CHST3: variants seen among roughly 807,000 people sequenced by gnomAD.
The protein encoded by CHST3 is C6ST-1.
Under a neutral mutation model 35.4 loss-of-function variants are expected in CHST3, and 20 were observed. The ratio of observed to expected loss-of-function variants is 0.57; its 90% CI spans 0.40 to 0.82. The LOEUF (loss-of-function observed/expected upper bound fraction) is 0.82, where lower values mean the gene tolerates loss of function less well. CHST3 is among the 40% of genes least tolerant of loss of function. CHST3 has a pLI of 0.00. For missense variants in CHST3, 693 were observed against 670.1 expected, an observed-to-expected ratio of 1.03 and a Z score of -0.38; for synonymous variants, 334 against 295.9, an observed-to-expected ratio of 1.13 and a Z score of -1.32.
chr10:71,994,024 C>T (rs560103653), intron 1 of CHST3, among the ~76,000 whole-genome samples: 138 of 152,168 alleles, frequency 9.1e-4, no homozygotes, highest in Non-Finnish European at 1.6e-3. Flanking sequence ...CGCTTGAACT[C>T]GGGAGGCGGA....
intron 1 of CHST3, among the ~76,000 whole-genome samples, chr10:71,978,743 T>G (rs1237200266): frequency 1.3e-5 from 2 of 152,184 alleles, no homozygotes; most frequent in Admixed American, 1.3e-4. Context: ...AGAACCGGCC[T>G]CTAGGGAATG....
At chr10:72,002,919 T>C (rs1840007064) in intron 1 of CHST3, among the ~76,000 whole-genome samples, 1 of 152,108 alleles carries the variant, frequency 6.6e-6, no homozygotes, top group South Asian at 2.1e-4. Flanking sequence ...TTGGGGTGCT[T>C]GCATTCTGGG....
intron 1 of CHST3, among the ~76,000 whole-genome samples, chr10:72,003,477 A>G (rs1472838545): frequency 6.6e-6 from 1 of 152,186 alleles, no homozygotes; most frequent in East Asian, 1.9e-4. Flanking sequence ...AGGCAAGCAG[A>G]TCACCTGAGG....
rs780903557 is a variant in CHST3, at chr10:71,966,715, C to T, written c.-108+2021C>T. 5.6e-4 allele frequency among the ~76,000 whole-genome samples: 85 copies of T among 152,232 alleles called. 1 individual carries two copies. The highest frequency in any genetic ancestry group is 2.5e-3 in the Admixed American group (38 of 15,294). ...CACCTTCATTATGCCCTCTGTGAAT[C>T]GAGAGTTCTGTATACATTTTCTAAT... On this transcript the variant is annotated intron_variant, in intron 1 of 2. Transcript: ENST00000373115.
chr10:71,977,975 A>G, intron 1 of CHST3, among the ~76,000 whole-genome samples: 1 of 152,174 alleles, frequency 6.6e-6, no homozygotes, highest in East Asian at 1.9e-4. Flanking sequence ...AGCAATAGTA[A>G]CAGCACCACC....
At chr10:71,991,609 A>C (rs1040795814) in intron 1 of CHST3, among the ~76,000 whole-genome samples, 10 of 152,036 alleles carry the variant, frequency 6.6e-5, no homozygotes, top group Admixed American at 1.3e-4. Flanking sequence ...AAATCACACA[A>C]ATTTTTTTGT....
intron 1 of CHST3, among the ~76,000 whole-genome samples, chr10:72,000,181 A>G (rs1440328363): frequency 6.6e-6 from 1 of 152,222 alleles, no homozygotes; most frequent in Non-Finnish European, 1.5e-5. Context: ...AGAACGATTA[A>G]GCATCTTGCA....
At position 72,007,426 on chromosome 10, in the gene CHST3, G is replaced by A. The variant is rs1339737147; in HGVS notation, c.395G>A (p.Arg132Gln). 2 of 1,602,716 alleles carry A rather than the reference G, an allele frequency of 1.2e-6. No homozygotes were observed. Among genetic ancestry groups the A allele is most frequent in the Non-Finnish European group, 8.5e-7 (1 of 1,178,548 alleles). The change falls in exon 3 of 3, where the codon CGG becomes CAG. Residue 132 changes from arginine (R) to glutamine (Q), a missense_variant. Transcript: ENST00000373115. Reference protein sequence around the residue: ...EPPRPAVAGPRRHVLLMATTR... With the variant: ...EPPRPAVAGPQRHVLLMATTR... Reference sequence around the variant, plus strand: ...CCCAGACCGGCCGTGGCGGGGCCCCGGCGCCACGTGCTGCTCATGGCCACC... The same window carrying A: ...CCCAGACCGGCCGTGGCGGGGCCCCAGCGCCACGTGCTGCTCATGGCCACC...
At position 72,010,636 on chromosome 10, in the gene CHST3, A is replaced by C. The variant is rs112797457; in HGVS notation, c.*2165A>C. 6.6e-6 allele frequency: 1 copy of C among 151,864 alleles called. No homozygotes were observed. Among genetic ancestry groups the C allele is most frequent in the Non-Finnish European group, 1.5e-5 (1 of 67,974 alleles). 9.4% of individuals were successfully genotyped at this position (151,864 alleles called of 1,614,324 possible). Reference sequence around the variant, plus strand: ...TGCTATTTTGCCTGAACACCCCAACACTCTTGGTTTTAGAGTCCAAGAGTA... The same window carrying C: ...TGCTATTTTGCCTGAACACCCCAACCCTCTTGGTTTTAGAGTCCAAGAGTA... On this transcript the variant is annotated 3_prime_UTR_variant, in exon 3 of 3. Transcript: ENST00000373115.
chr10:71,977,757 C>T (rs1017932432), intron 1 of CHST3, among the ~76,000 whole-genome samples: 4 of 152,138 alleles, frequency 2.6e-5, no homozygotes, highest in Non-Finnish European at 5.9e-5. Context: ...ACAACCTCTG[C>T]CTCCCAGATT....
At chr10:71,994,272 A>G (rs1270576676) in intron 1 of CHST3, among the ~76,000 whole-genome samples, 2 of 152,128 alleles carry the variant, frequency 1.3e-5, no homozygotes, top group Non-Finnish European at 2.9e-5. Context: ...TGTCTCAAAA[A>G]AAAAAAAAAT....
chr10:71,985,969 A>G (rs1380937090), intron 1 of CHST3, among the ~76,000 whole-genome samples: 1 of 152,218 alleles, frequency 6.6e-6, no homozygotes, highest in Non-Finnish European at 1.5e-5. Flanking sequence ...AAATGGAATT[A>G]TGCAGTGTGT....
chr10:71,987,630 G>T (rs11000125), intron 1 of CHST3, among the ~76,000 whole-genome samples: 11 of 150,444 alleles, frequency 7.3e-5, no homozygotes, highest in Non-Finnish European at 1.5e-4. Context: ...GCAGGAGAAT[G>T]GCTTGAACCC....
At chr10:71,982,754 A>G (rs1337561333) in intron 1 of CHST3, among the ~76,000 whole-genome samples, 1 of 152,214 alleles carries the variant, frequency 6.6e-6, no homozygotes, top group Non-Finnish European at 1.5e-5. Context: ...TCTCAAAAAA[A>G]AAGGAAAGAA....
chr10:72,004,973 T>C (rs1288528495), intron 1 of CHST3, among the ~76,000 whole-genome samples: 2 of 152,014 alleles, frequency 1.3e-5, no homozygotes, highest in South Asian at 4.1e-4. Flanking sequence ...CTACAAAAAA[T>C]TTTAAAAATT....
In CHST3 at chr10:72,008,261, C is replaced by G. The variant is rs1240581479; in HGVS notation, c.1230C>G (p.Asp410Glu). Residue 410 changes from aspartate (D) to glutamate (E), a missense_variant, in exon 3 of 3, where the codon GAC becomes GAG. By Grantham distance (45) the Asp-to-Glu change is conservative (BLOSUM62 2). Coordinates refer to ENST00000373115, the MANE Select transcript of CHST3 (RefSeq NM_004273.5). ...AAAAGAACACGCAGGCGGCCCACGACGGCAGCGGCATCTACTCCACGCAGA... is the reference window on the plus strand; with the variant it reads ...AAAAGAACACGCAGGCGGCCCACGAGGGCAGCGGCATCTACTCCACGCAGA... The part of the protein sequence containing the change: ...WIQKNTQAAH[D>E]GSGIYSTQKN... 6.3e-7 allele frequency: 1 copy of G among 1,580,656 alleles called. No individual in the cohort carries two copies. Among genetic ancestry groups the G allele is most frequent in the East Asian group, 2.3e-5 (1 of 43,034 alleles).
rs145146035 is a variant in CHST3, at chr10:71,967,942, C to A, written c.-108+3248C>A. On this transcript the variant is annotated intron_variant, in intron 1 of 2. Transcript: ENST00000373115. ...GTTCAAGCAATTCCCCTGCCTCAGCCCCCTGATAGGCGTGCACCACCATGC... is the reference window on the plus strand; with the variant it reads ...GTTCAAGCAATTCCCCTGCCTCAGCACCCTGATAGGCGTGCACCACCATGC... 1.1e-4 allele frequency among the ~76,000 whole-genome samples: 17 copies of A among 151,532 alleles called. 2 individuals are homozygous for A. The highest frequency in any genetic ancestry group is 3.9e-4 in the African/African-American group (16 of 41,416).
At chr10:71,978,784 G>A (rs749060143) in intron 1 of CHST3, among the ~76,000 whole-genome samples, 2 of 152,176 alleles carry the variant, frequency 1.3e-5, no homozygotes, top group Non-Finnish European at 2.9e-5. Context: ...GAGGGGAGGC[G>A]CCCTGCCTCT....
rs1332467301 is a variant in CHST3 at position 72,013,511 on chromosome 10, GC to G, written c.*5042del. Reference sequence around the variant, plus strand: ...TAGAATGTGAACCCAACTCCTGATGGCCTACTTGACTTATTTAATTAAAGAT... The same window carrying G: ...TAGAATGTGAACCCAACTCCTGATGGCTACTTGACTTATTTAATTAAAGAT... On this transcript the variant is annotated 3_prime_UTR_variant, in exon 3 of 3. Coordinates refer to ENST00000373115, the MANE Select transcript of CHST3 (RefSeq NM_004273.5). 6.6e-6 allele frequency: 1 copy of G among 152,194 alleles called. No individual in the cohort carries two copies. Among genetic ancestry groups the G allele is most frequent in the Non-Finnish European group, 1.5e-5 (1 of 68,030 alleles). 9.4% of individuals were successfully genotyped at this position (152,194 alleles called of 1,614,324 possible).
Sources: gnomAD v4.1 joint callset for allele counts (sites outside exome capture counted in the v4.1 genomes callset) on GRCh38, gnomAD v4.1.1 for gene constraint, MANE v1.5 for transcripts, NCBI Gene and HGNC (gene_info 2026-07-23, HGNC 2026-07-21) for gene names.